Variants in NEXMIF observed in about 807,000 individuals in gnomAD.
The protein encoded by NEXMIF is XLMR protein related to neurite extension.
A neutral mutation model predicts 62.1 loss-of-function variants in NEXMIF; 8 were observed. That is an observed-to-expected ratio of 0.13 (90% CI 0.08 to 0.23). The LOEUF is 0.23. NEXMIF is among the 10% of genes least tolerant of loss of function. The pLI, the probability that NEXMIF is intolerant of heterozygous loss-of-function variation, is 1.00. For synonymous variants in NEXMIF, 404 were observed against 416.6 expected, an observed-to-expected ratio of 0.97 and a Z score of 0.37; for missense variants, 976 against 1,113.3, an observed-to-expected ratio of 0.88 and a Z score of 1.75.
chrX:74,831,779 G>T (rs1411269993), intron 1 of NEXMIF, among the ~76,000 whole-genome samples: 1 of 111,777 alleles, frequency 8.9e-6, no homozygotes, highest in African/African-American at 3.3e-5. Context: ...ATTTTATCAA[G>T]ATATGTTCCT....
In NEXMIF at chrX:74,855,710, T is replaced by C. The variant is rs1421417813; in HGVS notation, c.-48+69173A>G. Among the ~76,000 whole-genome samples, 4 of 111,963 alleles carry C rather than the reference T, an allele frequency of 3.6e-5. No homozygotes were observed. In the East Asian group the frequency reaches 1.1e-3, roughly 31 times the overall value. ...GGCTAAGGCAAAGCTGTCAACTACC[T>C]GCCTGAGCATTGAAGGCATACTTCC... On this transcript the variant is annotated intron_variant, in intron 1 of 3. Transcript: ENST00000055682.
In NEXMIF at chrX:74,901,280, AAAGT is replaced by A. The variant is rs755119512; in HGVS notation, c.-48+23599_-48+23602del. Reference sequence around the variant, plus strand: ...TATTTCTAGGCAAGATAATCTAACAAAAGTAATTAATGTTTCAGATAAAGATGGT... The same window carrying A: ...TATTTCTAGGCAAGATAATCTAACAAAATTAATGTTTCAGATAAAGATGGT... On this transcript the variant is annotated intron_variant, in intron 1 of 3. Transcript: ENST00000055682. 1.8e-3 allele frequency among the ~76,000 whole-genome samples: 206 copies of A among 112,344 alleles called. 5 individuals carry two copies. Among genetic ancestry groups the A allele is most frequent in the Non-Finnish European group, 3.9e-4 (21 of 53,283 alleles).
intron 1 of NEXMIF, among the ~76,000 whole-genome samples, chrX:74,796,208 ATT>A (rs1491532714): frequency 5.9e-5 from 2 of 33,663 alleles, no homozygotes; most frequent in African/African-American, 1.5e-4. Context: ...ATACATATAT[ATT>A]ATATATATAT....
Position 74,741,978 on chromosome X carries a change from T to G in NEXMIF, c.2579A>C (p.Asp860Ala). 3 of 1,211,568 alleles carry G rather than the reference T, an allele frequency of 2.5e-6. No homozygotes were observed. In the South Asian group the frequency reaches 5.3e-5, roughly 21 times the overall value. ...KSFVPLQPTQ[D>A]CVLTSSSDSE... Reference sequence around the variant, plus strand: ...GTCAGAGGATGAGGTGAGCACACAGTCCTGGGTAGGCTGGAGGGGTACAAA... The same window carrying G: ...GTCAGAGGATGAGGTGAGCACACAGGCCTGGGTAGGCTGGAGGGGTACAAA... The change falls in exon 3 of 4, where the codon GAC becomes GCC. Residue 860 changes from aspartate (D) to alanine (A), a missense_variant. Asp to Ala is a moderately radical substitution (Grantham distance 126). This residue lies in a region of NEXMIF where 639 missense variants were observed against 694.5 expected (regional missense o/e 0.92). Transcript: ENST00000055682.
rs1268453074 is a variant in NEXMIF, at chrX:74,845,153, T to G, written c.-48+79730A>C. On this transcript the variant is annotated intron_variant, in intron 1 of 3. Transcript: ENST00000055682. ...CTTATTTGAGTATCTACTAGGTGCA[T>G]GACTCAGTAATACATGCTGAGTGGC... Among the ~76,000 whole-genome samples the G allele has an allele frequency of 2.7e-5, 3 of 111,454 alleles. No homozygotes were observed. In the Admixed American group the frequency reaches 2.9e-4, roughly 11 times the overall value.
chrX:74,844,731 C>T (rs1487221418), intron 1 of NEXMIF, among the ~76,000 whole-genome samples: 1 of 112,221 alleles, frequency 8.9e-6, no homozygotes, highest in Non-Finnish European at 1.9e-5. Context: ...AACTGCAAAA[C>T]ATTTTGGAAG....
intron 1 of NEXMIF, among the ~76,000 whole-genome samples, chrX:74,881,384 ATACACATG>A (rs2080662347): frequency 3.1e-5 from 2 of 65,351 alleles, no homozygotes; most frequent in Non-Finnish European, 5.4e-5. Context: ...ACACACACAC[ATACACATG>A]CACACACACA....
chrX:74,884,128 A>T (rs964191341), intron 1 of NEXMIF, among the ~76,000 whole-genome samples: 2 of 112,062 alleles, frequency 1.8e-5, no homozygotes, highest in African/African-American at 6.5e-5. Flanking sequence ...GCCTGCCCTA[A>T]AAAGCTCCTG....
intron 1 of NEXMIF, among the ~76,000 whole-genome samples, chrX:74,844,690 G>A (rs1209970353): frequency 2.1e-4 from 24 of 111,645 alleles, no homozygotes; most frequent in Admixed American, 1.9e-3. Flanking sequence ...ATAACAAATC[G>A]TCTCTATACT....
chrX:74,816,158 T>C (rs2080375396), intron 1 of NEXMIF, among the ~76,000 whole-genome samples: 2 of 112,000 alleles, frequency 1.8e-5, no homozygotes, highest in Admixed American at 1.9e-4. Context: ...AACAACCTCT[T>C]TCTTTCTTTA....
intron 1 of NEXMIF, among the ~76,000 whole-genome samples, chrX:74,919,722 C>T (rs1353407181): frequency 2.5e-4 from 28 of 110,369 alleles, no homozygotes; most frequent in Admixed American, 1.3e-3. Context: ...TGTGCTGCAC[C>T]CATTAACTCA....
intron 1 of NEXMIF, among the ~76,000 whole-genome samples, chrX:74,786,132 G>A (rs1465463552): frequency 8.9e-6 from 1 of 111,900 alleles, no homozygotes; most frequent in Non-Finnish European, 1.9e-5. Flanking sequence ...CACTGAGCGA[G>A]GGAAATGGGC....
intron 1 of NEXMIF, among the ~76,000 whole-genome samples, chrX:74,803,368 G>C (rs997121221): frequency 2.7e-5 from 3 of 110,985 alleles, no homozygotes; most frequent in African/African-American, 9.8e-5. Context: ...GGCTAACACG[G>C]TGAAACCCTG....
chrX:74,768,536 C>T (rs1212539285), intron 1 of NEXMIF, among the ~76,000 whole-genome samples: 1 of 112,043 alleles, frequency 8.9e-6, no homozygotes, highest in East Asian at 2.8e-4. Flanking sequence ...TTAGTTAGAC[C>T]ACAATGGAAA....
chrX:74,844,247 T>C (rs1277850651), intron 1 of NEXMIF, among the ~76,000 whole-genome samples: 1 of 111,347 alleles, frequency 9.0e-6, no homozygotes, highest in East Asian at 2.8e-4. Flanking sequence ...AATCTGATGA[T>C]TGTGTGTCTT....
intron 1 of NEXMIF, among the ~76,000 whole-genome samples, chrX:74,811,874 C>A (rs1019329437): frequency 8.0e-5 from 9 of 113,134 alleles, no homozygotes; most frequent in African/African-American, 2.6e-4. Context: ...GACAGGAAAT[C>A]TCTGTGTTCT....
chrX:74,744,980 C>CCT (rs1388432450), intron 2 of NEXMIF, among the ~76,000 whole-genome samples: 2 of 96,227 alleles, frequency 2.1e-5, no homozygotes, highest in Non-Finnish European at 4.2e-5. Context: ...TCCCTCTCTC[C>CCT]CTCTCTCTCT....
chrX:74,798,899 G>C lies in NEXMIF; in HGVS notation c.-47-53202C>G, dbSNP rs1403004768. ...GGGAAGTAGAGAAGAAAAAAGGAAAGATGTAAAGAAAACAGGGAAAATAGA... is the reference window on the plus strand; with the variant it reads ...GGGAAGTAGAGAAGAAAAAAGGAAACATGTAAAGAAAACAGGGAAAATAGA... On this transcript the variant is annotated intron_variant, in intron 1 of 3. Transcript: ENST00000055682. 2.9e-5 allele frequency among the ~76,000 whole-genome samples: 3 copies of C among 102,532 alleles called. No homozygotes were observed. The East Asian group carries it at 9.0e-4, about 31-fold the overall frequency. The allele number at this position is 102,532 out of a possible 115,157, so 89.0% of individuals were successfully genotyped here. A position where few individuals can be genotyped will look rare whatever the true frequency, so the allele number is the denominator to read the frequency against.
At chrX:74,834,659 G>C (rs778054581) in intron 1 of NEXMIF, among the ~76,000 whole-genome samples, 2 of 111,978 alleles carry the variant, frequency 1.8e-5, no homozygotes, top group East Asian at 5.6e-4. Flanking sequence ...CCACTGAAAA[G>C]ACTGCTGCCA....
Sources: allele counts gnomAD v4.1 joint callset (sites outside exome capture counted in the v4.1 genomes callset), GRCh38; gene constraint gnomAD v4.1.1; regional missense constraint gnomAD v4.1.1; transcripts MANE v1.5; gene names NCBI Gene and HGNC (gene_info 2026-07-23, HGNC 2026-07-21).